The following ARNT2 variants were observed in gnomAD, a reference collection of about 807,000 sequenced individuals.
The protein encoded by ARNT2 is aryl hydrocarbon receptor nuclear translocator 2.
Under a neutral mutation model 91.7 loss-of-function variants are expected in ARNT2, and 36 were observed. The observed-to-expected ratio is 0.39, with a 90% CI of 0.30 to 0.52. ARNT2 has a LOEUF of 0.52. ARNT2 is among the 20% of genes least tolerant of loss of function. The pLI, the probability that ARNT2 is intolerant of heterozygous loss-of-function variation, is 0.72. For synonymous variants in ARNT2, 365 were observed against 347.1 expected, an observed-to-expected ratio of 1.05 and a Z score of -0.57; for missense variants, 775 against 939.3, an observed-to-expected ratio of 0.83 and a Z score of 2.29.
chr15:80,533,326 C>T (rs958059683), intron 8 of ARNT2, among the ~76,000 whole-genome samples: 6 of 152,058 alleles, frequency 3.9e-5, no homozygotes, highest in South Asian at 2.1e-4. Context: ...ACACTGATGG[C>T]GGTGAGAGGT....
chr15:80,427,820 G>A (rs574008291), intron 1 of ARNT2, among the ~76,000 whole-genome samples: 13 of 152,166 alleles, frequency 8.5e-5, no homozygotes, highest in Non-Finnish European at 1.9e-4. Context: ...CCAGCTCTTC[G>A]ATAATTCTCT....
intron 8 of ARNT2, among the ~76,000 whole-genome samples, chr15:80,541,519 G>A (rs539719979): frequency 3.1e-4 from 47 of 151,804 alleles, no homozygotes; most frequent in African/African-American, 8.2e-4. Context: ...AATTTTTTTC[G>A]TTGCAATTGC....
chr15:80,459,311 C>T (rs536343041), intron 3 of ARNT2, among the ~76,000 whole-genome samples: 14 of 152,262 alleles, frequency 9.2e-5, no homozygotes, highest in South Asian at 8.3e-4. Flanking sequence ...TGTTTTCCCT[C>T]GGTGCAGACA....
intron 1 of ARNT2, among the ~76,000 whole-genome samples, chr15:80,442,258 G>T (rs185640691): frequency 1.3e-5 from 2 of 152,296 alleles, no homozygotes; most frequent in African/African-American, 2.4e-5. Flanking sequence ...ATCGTACTTC[G>T]TTCCTCCCAG....
intron 1 of ARNT2, among the ~76,000 whole-genome samples, chr15:80,439,258 TTTGTAGTA>T (rs1238134644): frequency 4.6e-5 from 7 of 152,270 alleles, no homozygotes; most frequent in African/African-American, 1.7e-4. Flanking sequence ...GCATGGCTTA[TTTGTAGTA>T]TTGATGTTGT....
chr15:80,564,463 G>T (rs968053347), intron 12 of ARNT2, among the ~76,000 whole-genome samples: 4 of 151,940 alleles, frequency 2.6e-5, no homozygotes, highest in African/African-American at 9.7e-5. Flanking sequence ...CTGCTCCTGG[G>T]CCAGAAGTCA....
chr15:80,457,095 C>A (rs936115062), intron 2 of ARNT2, among the ~76,000 whole-genome samples: 2 of 151,992 alleles, frequency 1.3e-5, no homozygotes, highest in Non-Finnish European at 2.9e-5. Flanking sequence ...AATTAAGTAC[C>A]CCCTCTGCCC....
intron 5 of ARNT2, among the ~76,000 whole-genome samples, chr15:80,502,302 C>T (rs986519346): frequency 6.6e-6 from 1 of 152,136 alleles, no homozygotes; most frequent in Non-Finnish European, 1.5e-5. Flanking sequence ...GGCTGGCTGC[C>T]CCGGACAGGA....
chr15:80,446,787 A>G (rs1222542197), intron 1 of ARNT2, among the ~76,000 whole-genome samples: 1 of 152,230 alleles, frequency 6.6e-6, no homozygotes, highest in African/African-American at 2.4e-5. Context: ...GTAAAATTTT[A>G]TCATTGTTCT....
chr15:80,429,433 G>T (rs912143011), intron 1 of ARNT2, among the ~76,000 whole-genome samples: 1 of 152,228 alleles, frequency 6.6e-6, no homozygotes, highest in African/African-American at 2.4e-5. Context: ...ACATGGAGGC[G>T]CTCGCAAGGT....
intron 11 of ARNT2, among the ~76,000 whole-genome samples, chr15:80,557,276 C>T (rs890173429): frequency 1.3e-5 from 2 of 152,140 alleles, no homozygotes; most frequent in Non-Finnish European, 2.9e-5. Context: ...CCTCTTCTGC[C>T]TTCTTCTACA....
intron 12 of ARNT2, among the ~76,000 whole-genome samples, chr15:80,569,865 G>A (rs1157234249): frequency 6.6e-6 from 1 of 152,242 alleles, no homozygotes; most frequent in Non-Finnish European, 1.5e-5. Context: ...GGCATCCGGG[G>A]CACAGCTACA....
intron 5 of ARNT2, among the ~76,000 whole-genome samples, chr15:80,489,583 T>G (rs1474502201): frequency 6.6e-6 from 1 of 152,242 alleles, no homozygotes; most frequent in Non-Finnish European, 1.5e-5. Context: ...CTGACTCTTC[T>G]CTCAGTTCTA....
intron 1 of ARNT2, among the ~76,000 whole-genome samples, chr15:80,423,611 A>T (rs539260588): frequency 6.6e-6 from 1 of 152,322 alleles, no homozygotes; most frequent in South Asian, 2.1e-4. Flanking sequence ...ATTAAAAGAT[A>T]TGATGAATTT....
At chr15:80,420,154 A>T (rs1895842196) in intron 1 of ARNT2, among the ~76,000 whole-genome samples, 3 of 151,954 alleles carry the variant, frequency 2.0e-5, no homozygotes, top group African/African-American at 4.8e-5. Flanking sequence ...TTTTTAGTTT[A>T]AAAAAAAGAC....
chr15:80,570,656 A>G (rs933639762), intron 12 of ARNT2, among the ~76,000 whole-genome samples: 1 of 152,054 alleles, frequency 6.6e-6, no homozygotes, highest in African/African-American at 2.4e-5. Flanking sequence ...TTTTCCTTTT[A>G]TCTGGGCTCC....
intron 1 of ARNT2, among the ~76,000 whole-genome samples, chr15:80,425,889 A>G (rs1211251707): frequency 1.3e-5 from 2 of 152,164 alleles, no homozygotes; most frequent in African/African-American, 4.8e-5. Context: ...CTGTGATAAC[A>G]AATCTTTTAA....
chr15:80,414,710 C>G (rs1203374736), intron 1 of ARNT2, among the ~76,000 whole-genome samples: 1 of 151,896 alleles, frequency 6.6e-6, no homozygotes, highest in Non-Finnish European at 1.5e-5. Flanking sequence ...GATTCCAAGT[C>G]CCCCAAAGAA....
intron 12 of ARNT2, 134 bp downstream of exon 12, chr15:80,563,373 G>T: frequency 8.6e-7 from 1 of 1,167,316 alleles, no homozygotes; most frequent in Non-Finnish European, 1.2e-6. Flanking sequence ...ATTAAGAATA[G>T]AGGAGACTGT....
Sources: allele counts gnomAD v4.1 joint callset (sites outside exome capture counted in the v4.1 genomes callset), GRCh38; gene constraint gnomAD v4.1.1; transcripts MANE v1.5; gene names NCBI Gene and HGNC (gene_info 2026-07-23, HGNC 2026-07-21).